The following PARD3B variants were observed in gnomAD, a reference collection of about 807,000 sequenced individuals.
PARD3B encodes partitioning defective 3 homolog B.
Under a neutral mutation model 130.2 loss-of-function variants are expected in PARD3B, and 103 were observed. The observed-to-expected ratio is 0.79, with a 90% CI of 0.67 to 0.93. The LOEUF (loss-of-function observed/expected upper bound fraction) is 0.93. PARD3B is among the 40% of genes least tolerant of loss of function. PARD3B has a pLI of 0.00. For missense variants in PARD3B, 1,609 were observed against 1,499.2 expected, an observed-to-expected ratio of 1.07 and a Z score of -1.21; for synonymous variants, 583 against 553.2, an observed-to-expected ratio of 1.05 and a Z score of -0.76.
At chr2:205,119,120 G>A (rs2030315342) in intron 7 of PARD3B, 74 bp downstream of exon 7, 2 of 1,465,022 alleles carry the variant, frequency 1.4e-6, no homozygotes, top group African/African-American at 1.4e-5. Flanking sequence ...AACTCATTAT[G>A]ATCAAAATAG....
intron 19 of PARD3B, among the ~76,000 whole-genome samples, chr2:205,427,850 T>G (rs1430887967): frequency 6.6e-6 from 1 of 152,208 alleles, no homozygotes; most frequent in Non-Finnish European, 1.5e-5. Context: ...ATACACGTTT[T>G]GATTATACAT....
intron 2 of PARD3B, among the ~76,000 whole-genome samples, chr2:204,895,678 T>C (rs1024054252): frequency 6.6e-6 from 1 of 152,126 alleles, no homozygotes; most frequent in African/African-American, 2.4e-5. Flanking sequence ...ACTAACTGTA[T>C]TGTGCTTTAT....
rs2047670631 is a variant in PARD3B at position 205,440,402 on chromosome 2, A to G, written c.2774A>G (p.Lys925Arg). 6.2e-7 allele frequency: 1 copy of G among 1,613,972 alleles called. No homozygotes were observed. Among genetic ancestry groups the G allele is most frequent in the African/African-American group, 1.3e-5 (1 of 74,922 alleles). Residue 925 changes from lysine to arginine, a missense_variant, in exon 20 of 23, where the codon AAG becomes AGG. Transcript: ENST00000406610. This position sits in a 1 kb window ranked among gnomAD's most constrained non-coding sequence, Gnocchi z 4.2. ...IGAKHQELRE[K>R]QARGLLDYAT... The stretch of plus-strand genomic sequence containing the variant: ...GCAAAACATCAGGAGCTAAGGGAAA[A>G]GCAGGCAAGAGGTCTTCTTGATTAT...
chr2:205,448,849 T>C (rs1006608551), intron 20 of PARD3B, among the ~76,000 whole-genome samples: 2 of 152,158 alleles, frequency 1.3e-5, no homozygotes, highest in Admixed American at 1.3e-4. Context: ...TCCATTGATT[T>C]ACCACTCTGG....
chr2:205,151,126 T>C (rs1411295595), intron 10 of PARD3B, among the ~76,000 whole-genome samples: 1 of 152,170 alleles, frequency 6.6e-6, no homozygotes. Context: ...ATATATAATT[T>C]TGTTTTGTCA....
At chr2:204,857,908 A>C (rs147372042) in intron 2 of PARD3B, among the ~76,000 whole-genome samples, 1 of 152,168 alleles carries the variant, frequency 6.6e-6, no homozygotes. Flanking sequence ...CCCAAGACAA[A>C]AGGAATGAGA....
At chr2:205,425,440 G>A (rs1208803913) in intron 19 of PARD3B, among the ~76,000 whole-genome samples, 2 of 151,448 alleles carry the variant, frequency 1.3e-5, no homozygotes, top group African/African-American at 4.9e-5. Flanking sequence ...GCAGTGTTTA[G>A]TAGCAATGGA....
intron 16 of PARD3B, among the ~76,000 whole-genome samples, chr2:205,277,004 G>A (rs1039903156): frequency 1.3e-5 from 2 of 152,212 alleles, no homozygotes; most frequent in Non-Finnish European, 2.9e-5. Context: ...TAGTTGTTAT[G>A]TTTGAGTGAT....
At chr2:205,432,925 T>C (rs906905363) in intron 19 of PARD3B, among the ~76,000 whole-genome samples, 15 of 152,212 alleles carry the variant, frequency 9.9e-5, no homozygotes, top group Non-Finnish European at 1.0e-4. Context: ...ATCATTCTTA[T>C]TGATTCATAA....
intron 2 of PARD3B, among the ~76,000 whole-genome samples, chr2:204,866,842 G>C (rs1374844525): frequency 6.6e-6 from 1 of 152,070 alleles, no homozygotes; most frequent in Non-Finnish European, 1.5e-5. Context: ...GCTGAGGCGG[G>C]TGTATCACCT....
At chr2:205,433,053 A>G (rs2047391478) in intron 19 of PARD3B, among the ~76,000 whole-genome samples, 1 of 152,152 alleles carries the variant, frequency 6.6e-6, no homozygotes, top group Non-Finnish European at 1.5e-5. Flanking sequence ...TTGCTTAAGG[A>G]ATTTAAATAT....
intron 2 of PARD3B, among the ~76,000 whole-genome samples, chr2:204,798,241 GGAGA>G (rs1465746469): frequency 2.0e-5 from 3 of 152,144 alleles, no homozygotes; most frequent in African/African-American, 7.2e-5. Flanking sequence ...TATGCTTGAG[GGAGA>G]GAGAACGCGG....
chr2:204,992,972 T>C (rs1173825005), intron 3 of PARD3B, among the ~76,000 whole-genome samples: 1 of 115,974 alleles, frequency 8.6e-6, no homozygotes, highest in Admixed American at 9.4e-5. Context: ...CTTAAGGAGA[T>C]TTTGGGCTGA....
At chr2:204,908,735 T>C (rs542874631) in intron 2 of PARD3B, among the ~76,000 whole-genome samples, 19 of 152,322 alleles carry the variant, frequency 1.2e-4, no homozygotes, top group Admixed American at 5.2e-4. Flanking sequence ...GAATTAGTAG[T>C]ATCTAAAAAG....
At position 204,677,035 on chromosome 2, in the gene PARD3B, T is replaced by C. The variant is rs1459842697; in HGVS notation, c.121-9146T>C. ...ACCTCTCTATCGTCTATGTATCATTTCTAGAACAGCACAGAAAAAGCCAAA... is the reference window on the plus strand; with the variant it reads ...ACCTCTCTATCGTCTATGTATCATTCCTAGAACAGCACAGAAAAAGCCAAA... On this transcript the variant is annotated intron_variant, in intron 1 of 22. Transcript: ENST00000406610. The surrounding 1 kb of genome is among the most constrained non-coding windows in gnomAD (Gnocchi z 4.1). Among the ~76,000 whole-genome samples the C allele has an allele frequency of 6.6e-6, 1 of 152,176 alleles. No homozygotes were observed. The highest frequency in any genetic ancestry group is 1.5e-5 in the Non-Finnish European group (1 of 68,034).
Position 204,545,713 on chromosome 2 carries a change from G to GGGAGGAGGAGGA in PARD3B, c.-279_-268dup, listed in dbSNP as rs1233311761. ...GCCTGGGCCGGGCAGGAGTAGGAGCGGGAGGAGGAGGAGGAGGAGCCGGTG... is the reference window on the plus strand; with the variant it reads ...GCCTGGGCCGGGCAGGAGTAGGAGCGGGAGGAGGAGGAGGAGGAGGAGGAGGAGGAGCCGGTG... On this transcript the variant is annotated 5_prime_UTR_variant, in exon 1 of 23. Coordinates refer to ENST00000406610, the MANE Select transcript of PARD3B (RefSeq NM_001302769.2). 10 of 223,788 alleles carry GGGAGGAGGAGGA rather than the reference G, an allele frequency of 4.5e-5. No individual in the cohort carries two copies. The African/African-American group carries it at 4.8e-4, about 11-fold the overall frequency. 13.9% of individuals were successfully genotyped at this position (223,788 alleles called of 1,614,324 possible). A position where few individuals can be genotyped will look rare whatever the true frequency, so the allele number is the denominator to read the frequency against.
chr2:204,764,286 A>T (rs1361666408), intron 2 of PARD3B, among the ~76,000 whole-genome samples: 1 of 152,172 alleles, frequency 6.6e-6, no homozygotes, highest in Non-Finnish European at 1.5e-5. Context: ...GAGTTACTCC[A>T]TAGTTACTCC....
At position 205,615,810 on chromosome 2, in the gene PARD3B, A is replaced by T. The variant is rs761559099; in HGVS notation, c.3615A>T (p.Val1205=). Residue 1205 remains valine (V), a synonymous_variant, in exon 23 of 23, where the codon GTA becomes GTT. Coordinates refer to ENST00000406610, the MANE Select transcript of PARD3B (RefSeq NM_001302769.2). ...AGAAGAACCCCATGACTGCAGCCGT[A>T]TAGCTGAGTGCCACCGAGGCCAGCC... ...SRQKNPMTAA[V] is the part of the protein sequence containing the mutation. 5 of 1,610,582 alleles carry T rather than the reference A, an allele frequency of 3.1e-6. No homozygotes were observed. In the South Asian group the frequency reaches 5.5e-5, roughly 18 times the overall value.
chr2:204,917,815 A>G (rs1188670053), intron 2 of PARD3B, among the ~76,000 whole-genome samples: 1 of 152,200 alleles, frequency 6.6e-6, no homozygotes, highest in Non-Finnish European at 1.5e-5. Context: ...GGTTATTGTT[A>G]TAAATTATTT....
Sources: gnomAD v4.1 joint callset for allele counts (sites outside exome capture counted in the v4.1 genomes callset) on GRCh38, gnomAD v4.1.1 for gene constraint, Gnocchi (gnomAD v3.1) non-coding constraint, MANE v1.5 for transcripts, NCBI Gene and HGNC (gene_info 2026-07-23, HGNC 2026-07-21) for gene names.